TRPS1: variants seen among roughly 807,000 people sequenced by gnomAD.
TRPS1 encodes the protein transcriptional repressor GATA binding 1.
TRPS1 carries 6 observed loss-of-function variants against 101.2 expected under a neutral mutation model. The ratio of observed to expected loss-of-function variants is 0.06; its 90% CI spans 0.03 to 0.12. TRPS1 has a LOEUF of 0.12. Among genes scored for constraint, TRPS1 ranks in the 10% least tolerant of loss-of-function variants. The probability of loss-of-function intolerance (pLI) is 1.00; values close to 1 mark genes in which losing one functional copy is unlikely to be tolerated. For missense variants in TRPS1, 1,363 were observed against 1,567.0 expected (o/e 0.87, Z 2.20); for synonymous variants, 578 against 589.8 (o/e 0.98, Z 0.29).
At chr8:115,627,053 T>C (rs546097502) in intron 1 of TRPS1, among the ~76,000 whole-genome samples, 5 of 151,822 alleles carry the variant, frequency 3.3e-5, no homozygotes, top group Admixed American at 6.6e-5. Context: ...TCAAAGACTT[T>C]AGGCTATAGT....
At chr8:115,562,173 T>A (rs1461808808) in intron 5 of TRPS1, among the ~76,000 whole-genome samples, 2 of 152,020 alleles carry the variant, frequency 1.3e-5, no homozygotes, top group African/African-American at 2.4e-5. Flanking sequence ...ATTGTAATTT[T>A]AAAAAATAGA....
intron 5 of TRPS1, among the ~76,000 whole-genome samples, chr8:115,554,782 A>G: frequency 6.6e-6 from 1 of 152,156 alleles, no homozygotes; most frequent in East Asian, 1.9e-4. Context: ...GGGCAAGTCA[A>G]TGGAGTCCTG....
At chr8:115,570,973 G>A (rs1383238910) in intron 5 of TRPS1, among the ~76,000 whole-genome samples, 1 of 152,180 alleles carries the variant, frequency 6.6e-6, no homozygotes, top group Non-Finnish European at 1.5e-5. Context: ...AGACTAGCTT[G>A]GGCTGGTCCA....
chr8:115,601,057 A>T (rs1817896891), intron 4 of TRPS1, among the ~76,000 whole-genome samples: 1 of 152,146 alleles, frequency 6.6e-6, no homozygotes, highest in South Asian at 2.1e-4. Context: ...ATCGACACTG[A>T]GGTTTTTCAC....
intron 1 of TRPS1, among the ~76,000 whole-genome samples, chr8:115,627,067 A>C (rs1258727461): frequency 1.3e-5 from 2 of 151,746 alleles, no homozygotes; most frequent in African/African-American, 4.8e-5. Flanking sequence ...CTATAGTCAC[A>C]ATGACACTGT....
chr8:115,489,504 G>A (rs1814968576), intron 5 of TRPS1, among the ~76,000 whole-genome samples: 1 of 151,962 alleles, frequency 6.6e-6, no homozygotes, highest in Non-Finnish European at 1.5e-5. Flanking sequence ...CATATTTCTT[G>A]GTTTACTAAT....
chr8:115,450,655 A>G (rs1813846627), intron 5 of TRPS1, among the ~76,000 whole-genome samples: 1 of 152,090 alleles, frequency 6.6e-6, no homozygotes, highest in Non-Finnish European at 1.5e-5. Flanking sequence ...TCTTCCCCAG[A>G]TTTAGGAACT....
intron 6 of TRPS1, among the ~76,000 whole-genome samples, chr8:115,415,323 C>T (rs982829532): frequency 5.3e-5 from 8 of 152,148 alleles, no homozygotes; most frequent in African/African-American, 1.9e-4. Context: ...AAACTTTAAT[C>T]TACTTGAAAA....
chr8:115,535,880 A>G lies in TRPS1; in HGVS notation c.2700+51121T>C, dbSNP rs953731229. ...CTCATTGTTATTAATAAAACTGCAG[A>G]GCATTATAATATGAATAATATTTCA... On this transcript the variant is annotated intron_variant, in intron 5 of 6. Transcript: ENST00000395715. Among the ~76,000 whole-genome samples the G allele has an allele frequency of 7.2e-5, 11 of 152,012 alleles. No individual in the cohort carries two copies. The East Asian group carries it at 9.7e-4, about 13-fold the overall frequency.
intron 1 of TRPS1, among the ~76,000 whole-genome samples, chr8:115,633,164 C>T (rs1229016225): frequency 6.6e-6 from 1 of 151,998 alleles, no homozygotes; most frequent in African/African-American, 2.4e-5. Flanking sequence ...GGATGTGCCC[C>T]AGCAGGCAAA....
At chr8:115,637,687 T>C (rs755576720) in intron 1 of TRPS1, among the ~76,000 whole-genome samples, 14 of 152,236 alleles carry the variant, frequency 9.2e-5, no homozygotes, top group Non-Finnish European at 1.8e-4. Context: ...CATATTGATA[T>C]TATCACACCT....
At chr8:115,514,502 T>C (rs1815661143) in intron 5 of TRPS1, among the ~76,000 whole-genome samples, 1 of 151,340 alleles carries the variant, frequency 6.6e-6, no homozygotes, top group Non-Finnish European at 1.5e-5. Context: ...AAATGGAGAG[T>C]CCATATTCTC....
intron 5 of TRPS1, among the ~76,000 whole-genome samples, chr8:115,574,754 A>AC: frequency 6.6e-6 from 1 of 151,852 alleles, no homozygotes; most frequent in Admixed American, 6.6e-5. Context: ...ATATATATAT[A>AC]ACTTTATAAG....
At chr8:115,607,927 A>G (rs1818077265) in intron 3 of TRPS1, among the ~76,000 whole-genome samples, 1 of 152,124 alleles carries the variant, frequency 6.6e-6, no homozygotes, top group African/African-American at 2.4e-5. Flanking sequence ...TCTATTGACC[A>G]TACTCATTTT....
chr8:115,436,062 T>C, intron 5 of TRPS1, among the ~76,000 whole-genome samples: 1 of 145,154 alleles, frequency 6.9e-6, no homozygotes, highest in African/African-American at 2.6e-5. Flanking sequence ...AAGGAGCCCA[T>C]GCAAATAGGT....
In TRPS1 at chr8:115,587,106, G is replaced by T. The variant is rs1292879286; in HGVS notation, c.2595C>A (p.Phe865Leu). ...IYGLAVETKGFLQGAPAGGEK... is the reference protein window; with the variant it reads ...IYGLAVETKGLLQGAPAGGEK... Reference sequence around the variant, plus strand: ...CTCCGCCAGCTGGCGCCCCCTGCAGGAATCCCTTGGTTTCCACAGCCAAGC... The same window carrying T: ...CTCCGCCAGCTGGCGCCCCCTGCAGTAATCCCTTGGTTTCCACAGCCAAGC... The change falls in exon 5 of 7, where the codon TTC becomes TTA. Residue 865 changes from phenylalanine to leucine, a missense_variant. Transcript: ENST00000395715. 6.2e-7 allele frequency: 1 copy of T among 1,614,106 alleles called. No homozygotes were observed. The highest frequency in any genetic ancestry group is 2.2e-5 in the East Asian group (1 of 44,866).
intron 5 of TRPS1, among the ~76,000 whole-genome samples, chr8:115,559,629 T>C (rs1816902365): frequency 6.6e-6 from 1 of 152,168 alleles, no homozygotes; most frequent in Non-Finnish European, 1.5e-5. Flanking sequence ...AATGTGTGAA[T>C]GAATCTAGCT....
At position 115,533,455 on chromosome 8, in the gene TRPS1, TTTTTC is replaced by T. The variant is rs1182835938; in HGVS notation, c.2700+53541_2700+53545del. The stretch of plus-strand genomic sequence containing the variant: ...TAATCTGTTTTTTTTTTTTTTTTTT[TTTTTC>T]CTGAAAAAAATCATGAGTGAGTTAA... On this transcript the variant is annotated intron_variant, in intron 5 of 6. Coordinates refer to ENST00000395715, the MANE Select transcript of TRPS1 (RefSeq NM_014112.5). Among the ~76,000 whole-genome samples the T allele has an allele frequency of 2.3e-3, 308 of 132,806 alleles. 18 individuals are homozygous for T. The highest frequency in any genetic ancestry group is 2.9e-3 in the Non-Finnish European group (182 of 63,512). 87.1% of individuals were successfully genotyped at this position (132,806 alleles called of 152,430 possible).
intron 4 of TRPS1, among the ~76,000 whole-genome samples, chr8:115,598,606 C>A (rs891627753): frequency 6.6e-6 from 1 of 152,126 alleles, no homozygotes; most frequent in African/African-American, 2.4e-5. Flanking sequence ...CCTGCCTAGT[C>A]TGTTCCTTTT....
Sources: gnomAD v4.1 joint callset for allele counts (sites outside exome capture counted in the v4.1 genomes callset) on GRCh38, gnomAD v4.1.1 for gene constraint, MANE v1.5 for transcripts, NCBI Gene and HGNC (gene_info 2026-07-23, HGNC 2026-07-21) for gene names.